COL5A2: variants seen among roughly 807,000 people sequenced by gnomAD.
The protein encoded by COL5A2 is collagen type V alpha 2 chain.
In COL5A2, 23 loss-of-function variants were observed where a neutral mutation model predicts 208.2. The observed-to-expected ratio is 0.11, with a 90% CI of 0.08 to 0.16. COL5A2 has a LOEUF of 0.16. Among genes scored for constraint, COL5A2 ranks in the 10% least tolerant of loss-of-function variants. The pLI, the probability that COL5A2 is intolerant of heterozygous loss-of-function variation, is 1.00. For synonymous variants in COL5A2, 625 were observed against 628.5 expected, an observed-to-expected ratio of 0.99 and a Z score of 0.08; for missense variants, 1,590 against 1,956.4, an observed-to-expected ratio of 0.81 and a Z score of 3.53.
At chr2:189,111,581 C>T (rs539616190) in intron 1 of COL5A2, among the ~76,000 whole-genome samples, 948 of 71,176 alleles carry the variant, frequency 0.013, 9 homozygotes, top group African/African-American at 0.031. Context: ...GACTACCCTG[C>T]AAAAATTAGA....
chr2:189,353,650 G>C, the COL5A2 span, among the ~76,000 whole-genome samples: 1 of 152,034 alleles, frequency 6.6e-6, no homozygotes, highest in Admixed American at 6.6e-5. Context: ...TGTATACTGA[G>C]ACCGCTGAAG....
intron 35 of COL5A2, among the ~76,000 whole-genome samples, chr2:189,055,805 G>A (rs1019793396): frequency 6.6e-6 from 1 of 152,132 alleles, no homozygotes; most frequent in African/African-American, 2.4e-5. Context: ...CAATTTCAAA[G>A]TTAGTTCATA....
the COL5A2 span, among the ~76,000 whole-genome samples, chr2:189,271,081 C>A: frequency 6.6e-6 from 1 of 152,062 alleles, no homozygotes; most frequent in African/African-American, 2.4e-5. Flanking sequence ...GCCATACTGC[C>A]CAAAATAATT....
chr2:189,372,720 C>T, the COL5A2 span, among the ~76,000 whole-genome samples: 1 of 152,116 alleles, frequency 6.6e-6, no homozygotes, highest in Non-Finnish European at 1.5e-5. Context: ...AACTCACATA[C>T]TTAATCAAAA....
At chr2:189,395,479 T>C in the COL5A2 span, among the ~76,000 whole-genome samples, 1 of 152,282 alleles carries the variant, frequency 6.6e-6, no homozygotes, top group South Asian at 2.1e-4. Context: ...GTTTTTATCT[T>C]AGGGATACCA....
chr2:189,155,702 T>C (rs1184632645), intron 1 of COL5A2, among the ~76,000 whole-genome samples: 1 of 152,170 alleles, frequency 6.6e-6, no homozygotes, highest in Non-Finnish European at 1.5e-5. Context: ...ATTTATTATC[T>C]TTTATTTCTC....
the COL5A2 span, among the ~76,000 whole-genome samples, chr2:189,380,907 C>T: frequency 6.6e-6 from 1 of 151,800 alleles, no homozygotes; most frequent in African/African-American, 2.4e-5. Flanking sequence ...TCTCTGAGTA[C>T]TTACTGACAA....
intron 1 of COL5A2, among the ~76,000 whole-genome samples, chr2:189,170,673 G>T (rs1352276674): frequency 1.3e-5 from 2 of 152,014 alleles, no homozygotes; most frequent in Non-Finnish European, 2.9e-5. Context: ...GGAAATCATA[G>T]TATTTGTTTA....
chr2:189,329,952 C>A, the COL5A2 span, among the ~76,000 whole-genome samples: 5 of 151,444 alleles, frequency 3.3e-5, no homozygotes, highest in Non-Finnish European at 7.4e-5. Flanking sequence ...GGAAAAAAAT[C>A]TTAATGATAC....
chr2:189,060,375 T>C (rs1332080474), intron 31 of COL5A2, among the ~76,000 whole-genome samples: 1 of 151,810 alleles, frequency 6.6e-6, no homozygotes, highest in Non-Finnish European at 1.5e-5. Context: ...AATGAACAAA[T>C]GAATCATTCA....
At chr2:189,404,433 C>T in the COL5A2 span, among the ~76,000 whole-genome samples, 1 of 152,172 alleles carries the variant, frequency 6.6e-6, no homozygotes, top group Non-Finnish European at 1.5e-5. Flanking sequence ...GGACTTACAT[C>T]AGAAGCTGCC....
chr2:189,245,698 T>C, the COL5A2 span, among the ~76,000 whole-genome samples: 1 of 152,024 alleles, frequency 6.6e-6, no homozygotes, highest in Non-Finnish European at 1.5e-5. Flanking sequence ...GTGGTCTCGA[T>C]CTCCTGACCT....
chr2:189,155,527 G>T (rs1358171271), intron 1 of COL5A2, among the ~76,000 whole-genome samples: 2 of 152,112 alleles, frequency 1.3e-5, no homozygotes, highest in Non-Finnish European at 2.9e-5. Context: ...AGTAGTCACT[G>T]GCCACACTAG....
chr2:189,437,842 T>C, the COL5A2 span, among the ~76,000 whole-genome samples: 3 of 152,180 alleles, frequency 2.0e-5, no homozygotes, highest in African/African-American at 7.2e-5. Flanking sequence ...AGATGTCTCC[T>C]ATGTACATTA....
chr2:189,321,329 A>G, the COL5A2 span, among the ~76,000 whole-genome samples: 1 of 152,252 alleles, frequency 6.6e-6, no homozygotes, highest in Non-Finnish European at 1.5e-5. Context: ...TTAACTGTAA[A>G]TGTAAATGGG....
the COL5A2 span, among the ~76,000 whole-genome samples, chr2:189,306,843 T>A: frequency 2.0e-5 from 3 of 152,352 alleles, no homozygotes; most frequent in African/African-American, 7.2e-5. Context: ...AGTTTATTTC[T>A]TTGTATTATT....
the COL5A2 span, among the ~76,000 whole-genome samples, chr2:189,251,007 C>T: frequency 6.6e-6 from 1 of 152,058 alleles, no homozygotes; most frequent in African/African-American, 2.4e-5. Flanking sequence ...CCCTGCTTAA[C>T]GGTATGAAGT....
At chr2:189,315,491 A>C in the COL5A2 span, among the ~76,000 whole-genome samples, 1 of 152,208 alleles carries the variant, frequency 6.6e-6, no homozygotes. Flanking sequence ...GAATGGGCAA[A>C]AGCTAGAAGC....
At chr2:189,102,391 A>G (rs907228005) in intron 3 of COL5A2, among the ~76,000 whole-genome samples, 6 of 152,110 alleles carry the variant, frequency 3.9e-5, no homozygotes, top group Non-Finnish European at 7.4e-5. Context: ...ATAAGTTTCT[A>G]ATAATAAATT....
Sources: allele counts gnomAD v4.1 joint callset (sites outside exome capture counted in the v4.1 genomes callset), GRCh38; gene constraint gnomAD v4.1.1; transcripts MANE v1.5; gene names NCBI Gene and HGNC (gene_info 2026-07-23, HGNC 2026-07-21).